The following SNTG1 variants were observed in gnomAD, a reference collection of about 807,000 sequenced individuals.
The protein encoded by SNTG1 is syntrophin gamma 1.
SNTG1 carries 39 observed loss-of-function variants against 74.7 expected under a neutral mutation model. The observed-to-expected ratio is 0.52, with a 90% confidence interval of 0.40 to 0.68. The LOEUF (loss-of-function observed/expected upper bound fraction) is 0.68. Among genes scored for constraint, SNTG1 ranks in the 30% least tolerant of loss-of-function variants. The pLI, the probability that SNTG1 is intolerant of heterozygous loss-of-function variation, is 0.00. For missense variants in SNTG1, 685 were observed against 609.5 expected, an observed-to-expected ratio of 1.12 and a Z score of -1.30; for synonymous variants, 254 against 217.1, an observed-to-expected ratio of 1.17 and a Z score of -1.49.
At chr8:50,370,100 A>C (rs75591663) in intron 2 of SNTG1, among the ~76,000 whole-genome samples, 2,804 of 152,318 alleles carry the variant, frequency 0.018, 90 homozygotes, top group African/African-American at 0.063. Context: ...CAAACTAATG[A>C]ATATAATGAG....
At chr8:50,683,304 A>G (rs1203905881) in intron 15 of SNTG1, among the ~76,000 whole-genome samples, 1 of 152,204 alleles carries the variant, frequency 6.6e-6, no homozygotes. Flanking sequence ...TGCTTAAAAG[A>G]AAGAAATAAC....
intron 13 of SNTG1, among the ~76,000 whole-genome samples, chr8:50,605,403 G>A (rs1040040345): frequency 1.3e-5 from 2 of 152,170 alleles, no homozygotes; most frequent in African/African-American, 4.8e-5. Context: ...GGTGAGGCTT[G>A]CCAAAACTCA....
chr8:50,101,819 T>C (rs2080138711), intron 1 of SNTG1, among the ~76,000 whole-genome samples: 1 of 152,156 alleles, frequency 6.6e-6, no homozygotes. Flanking sequence ...TTTGGTTTTT[T>C]GTCCTTGCGA....
chr8:50,555,173 C>T (rs988956575), intron 12 of SNTG1, among the ~76,000 whole-genome samples: 2 of 152,234 alleles, frequency 1.3e-5, no homozygotes, highest in East Asian at 1.9e-4. Flanking sequence ...AAGTGCTCAC[C>T]GTCATATGAT....
chr8:50,250,256 C>A (rs544333391), intron 2 of SNTG1, among the ~76,000 whole-genome samples: 66 of 150,416 alleles, frequency 4.4e-4, no homozygotes, highest in African/African-American at 1.5e-3. Flanking sequence ...TTTGAAATAA[C>A]CCTATCAGAA....
rs539371024 is a variant in SNTG1, at chr8:50,527,615, GA to G, written c.467-2558del. Among the ~76,000 whole-genome samples, 5 of 151,846 alleles carry G rather than the reference GA, an allele frequency of 3.3e-5. No homozygotes were observed. The South Asian group carries it at 1.0e-3, about 32-fold the overall frequency. On this transcript the variant is annotated intron_variant, in intron 9 of 18. Coordinates refer to ENST00000642720, the MANE Select transcript of SNTG1 (RefSeq NM_018967.5). The stretch of plus-strand genomic sequence containing the variant: ...AATTTACATGTCTATTTTTTTAAAT[GA>G]AAATCATATTATTTATTATTGTAAC...
chr8:50,708,169 C>G (rs945376897), intron 16 of SNTG1: 11 of 183,458 alleles, frequency 6.0e-5, no homozygotes, highest in African/African-American at 1.9e-4. Context: ...CCACTACGCT[C>G]TAGCCTGGGC....
chr8:50,609,697 TA>T (rs942429363), intron 13 of SNTG1, among the ~76,000 whole-genome samples: 2 of 152,162 alleles, frequency 1.3e-5, no homozygotes, highest in African/African-American at 4.8e-5. Flanking sequence ...CAAAGGTCTC[TA>T]AACCTGTCCA....
intron 13 of SNTG1, among the ~76,000 whole-genome samples, chr8:50,618,867 C>A (rs2094901991): frequency 1.3e-5 from 2 of 149,818 alleles, no homozygotes; most frequent in Admixed American, 1.3e-4. Flanking sequence ...AGTGTGCTAG[C>A]AAGATGGAAT....
intron 2 of SNTG1, among the ~76,000 whole-genome samples, chr8:50,263,584 A>G (rs185497800): frequency 8.1e-4 from 123 of 152,270 alleles, no homozygotes; most frequent in African/African-American, 3.0e-3. Flanking sequence ...AATAGCATAA[A>G]ATAGATTTAA....
intron 1 of SNTG1, among the ~76,000 whole-genome samples, chr8:50,109,497 G>T (rs1341543169): frequency 6.6e-6 from 1 of 152,126 alleles, no homozygotes; most frequent in African/African-American, 2.4e-5. Context: ...CAATTTTCTA[G>T]TTAGATCAAG....
chr8:50,410,159 G>A (rs1422470462), intron 4 of SNTG1, among the ~76,000 whole-genome samples: 3 of 152,186 alleles, frequency 2.0e-5, no homozygotes, highest in African/African-American at 7.2e-5. Flanking sequence ...GCTTTTTGAG[G>A]TTCATTATCT....
intron 5 of SNTG1, among the ~76,000 whole-genome samples, chr8:50,442,374 T>A (rs1348635226): frequency 6.6e-6 from 1 of 152,016 alleles, no homozygotes; most frequent in South Asian, 2.1e-4. Context: ...GTGAAGCAAA[T>A]CCCTACTTTA....
chr8:50,528,968 C>T (rs1053652408), intron 9 of SNTG1, among the ~76,000 whole-genome samples: 2 of 150,394 alleles, frequency 1.3e-5, no homozygotes, highest in African/African-American at 4.9e-5. Context: ...TCAATTTGCT[C>T]CTCCATTCTT....
rs149824566 is a variant in SNTG1, at chr8:50,701,672, CCTTCTT to C, written c.1039-2915_1039-2910del. 4.3e-3 allele frequency among the ~76,000 whole-genome samples: 619 copies of C among 144,276 alleles called. 3 individuals are homozygous for C. The highest frequency in any genetic ancestry group is 8.6e-3 in the South Asian group (39 of 4,516). 94.7% of individuals were successfully genotyped at this position (144,276 alleles called of 152,430 possible). Reference sequence around the variant, plus strand: ...TCTTTTTCTTCCTCTTCTTCTTCTTCCTTCTTCTTCTTCTTCTTTGCCTTCCTCTTC... The same window carrying C: ...TCTTTTTCTTCCTCTTCTTCTTCTTCCTTCTTCTTCTTTGCCTTCCTCTTC... On this transcript the variant is annotated intron_variant, in intron 15 of 18. Coordinates refer to ENST00000642720, the MANE Select transcript of SNTG1 (RefSeq NM_018967.5).
chr8:50,746,797 G>A (rs1204429834), intron 17 of SNTG1, among the ~76,000 whole-genome samples: 1 of 147,106 alleles, frequency 6.8e-6, no homozygotes, highest in Non-Finnish European at 1.5e-5. Context: ...TCATATATAT[G>A]TATAATATAT....
At chr8:50,693,840 C>T (rs973500450) in intron 15 of SNTG1, among the ~76,000 whole-genome samples, 3 of 152,042 alleles carry the variant, frequency 2.0e-5, no homozygotes, top group Non-Finnish European at 4.4e-5. Context: ...GAATATTAAA[C>T]AACATGCTCC....
At chr8:50,426,720 A>AGT (rs1169983270) in intron 4 of SNTG1, among the ~76,000 whole-genome samples, 1 of 152,092 alleles carries the variant, frequency 6.6e-6, no homozygotes, top group Non-Finnish European at 1.5e-5. Flanking sequence ...ATTATAAAGT[A>AGT]GTGTGCTATC....
At chr8:49,917,254 T>G (rs545656617) in intron 1 of SNTG1, among the ~76,000 whole-genome samples, 1 of 152,260 alleles carries the variant, frequency 6.6e-6, no homozygotes, top group Admixed American at 6.5e-5. Flanking sequence ...CTTGGTCCTA[T>G]TGGTAAATCA....
Sources: gnomAD v4.1 joint callset for allele counts (sites outside exome capture counted in the v4.1 genomes callset) on GRCh38, gnomAD v4.1.1 for gene constraint, MANE v1.5 for transcripts, NCBI Gene and HGNC (gene_info 2026-07-23, HGNC 2026-07-21) for gene names.